Variants in CFAP20DC observed in about 807,000 individuals in gnomAD.
The protein encoded by CFAP20DC is protein CFAP20DC.
CFAP20DC carries 84 observed loss-of-function variants against 101.7 expected under a neutral mutation model. That is an observed-to-expected ratio of 0.83 (90% CI 0.69 to 0.99). The LOEUF is 0.99. CFAP20DC is among the 50% of genes least tolerant of loss of function. The pLI, the probability that CFAP20DC is intolerant of heterozygous loss-of-function variation, is 0.00. For synonymous variants in CFAP20DC, 359 were observed against 351.2 expected (o/e 1.02, Z -0.25); for missense variants, 1,007 against 970.3 (o/e 1.04, Z -0.50).
chr3:58,839,911 T>C (rs1265302815), intron 13 of CFAP20DC, among the ~76,000 whole-genome samples: 1 of 152,208 alleles, frequency 6.6e-6, no homozygotes, highest in African/African-American at 2.4e-5. Flanking sequence ...CATAATTCCA[T>C]TTTACTTATT....
At chr3:58,935,585 A>T (rs1185591238) in intron 5 of CFAP20DC, among the ~76,000 whole-genome samples, 1 of 152,152 alleles carries the variant, frequency 6.6e-6, no homozygotes, top group Non-Finnish European at 1.5e-5. Flanking sequence ...GATATAGATC[A>T]ATGGAATAGA....
At chr3:58,967,983 T>C (rs1192043525) in intron 4 of CFAP20DC, among the ~76,000 whole-genome samples, 3 of 152,238 alleles carry the variant, frequency 2.0e-5, no homozygotes, top group Non-Finnish European at 2.9e-5. Flanking sequence ...GTTCCTGTGA[T>C]AGTCTGCTAA....
Position 59,033,677 on chromosome 3 carries a change from G to C in CFAP20DC, c.278+5880C>G, listed in dbSNP as rs2094039864. On this transcript the variant is annotated intron_variant, in intron 4 of 16. Transcript: ENST00000482387. ...AAAAGAATGAAAATGAACGAAAAGAGCCTCCAAAAATATGAGACTATGTGA... is the reference window on the plus strand; with the variant it reads ...AAAAGAATGAAAATGAACGAAAAGACCCTCCAAAAATATGAGACTATGTGA... Among the ~76,000 whole-genome samples the C allele has an allele frequency of 2.0e-5, 3 of 152,256 alleles. No individual in the cohort carries two copies. The South Asian group carries it at 6.2e-4, about 32-fold the overall frequency.
chr3:58,932,766 G>A (rs2086897976), intron 5 of CFAP20DC, among the ~76,000 whole-genome samples: 1 of 152,200 alleles, frequency 6.6e-6, no homozygotes, highest in African/African-American at 2.4e-5. Flanking sequence ...AAGAGCTCCT[G>A]AAGGAAGCAC....
intron 15 of CFAP20DC, among the ~76,000 whole-genome samples, chr3:58,759,993 G>T (rs1378982378): frequency 6.6e-6 from 1 of 152,114 alleles, no homozygotes; most frequent in Non-Finnish European, 1.5e-5. Flanking sequence ...TGTTCTTTTG[G>T]CTTAGGATTG....
At chr3:58,870,377 T>A in intron 7 of CFAP20DC, 68 bp from the exon 8 acceptor site, 2 of 1,522,438 alleles carry the variant, frequency 1.3e-6, no homozygotes, top group East Asian at 4.5e-5. Flanking sequence ...CACTGCAATC[T>A]TTCTAAAAAT....
Position 58,863,833 on chromosome 3 carries a change from ACTGTCTGCTGGAT to A in CFAP20DC, c.1305_1317del (p.Ser436LeufsTer67). The A allele has an allele frequency of 1.2e-6, 2 of 1,614,142 alleles. No homozygotes were observed. The highest frequency in any genetic ancestry group is 1.7e-6 in the Non-Finnish European group (2 of 1,179,984). The stretch of plus-strand genomic sequence containing the variant: ...CAGGAGTCATCACCCAGAAGTAGAG[ACTGTCTGCTGGAT>A]GCCAGATATGAAATGTGATCAGCAT... On this transcript the variant is annotated frameshift_variant, in exon 12 of 17. Coordinates refer to ENST00000482387, the MANE Select transcript of CFAP20DC (RefSeq NM_001394063.1). LOFTEE classifies it high-confidence loss of function. This position sits in a 1 kb window ranked among gnomAD's most constrained non-coding sequence, Gnocchi z 5.9.
At chr3:59,003,713 G>A (rs1359813015) in intron 4 of CFAP20DC, among the ~76,000 whole-genome samples, 1 of 152,152 alleles carries the variant, frequency 6.6e-6, no homozygotes, top group African/African-American at 2.4e-5. Context: ...GCCTGATAAT[G>A]GTAAAAGTTG....
intron 4 of CFAP20DC, among the ~76,000 whole-genome samples, chr3:58,961,794 A>T (rs146989462): frequency 0.035 from 5,318 of 151,732 alleles, 137 homozygotes; most frequent in Admixed American, 0.066. Flanking sequence ...TGTCAACCAA[A>T]TTGTCTATGG....
At chr3:58,962,698 C>A (rs961197754) in intron 4 of CFAP20DC, among the ~76,000 whole-genome samples, 1 of 152,108 alleles carries the variant, frequency 6.6e-6, no homozygotes, top group African/African-American at 2.4e-5. Context: ...AAGCTCAGGC[C>A]GTGAACGAGC....
chr3:58,857,832 T>C (rs1208100896), intron 12 of CFAP20DC, among the ~76,000 whole-genome samples: 9 of 152,208 alleles, frequency 5.9e-5, no homozygotes, highest in Non-Finnish European at 1.3e-4. Context: ...GGCATAACCC[T>C]ATTCCTCTCT....
intron 13 of CFAP20DC, 118 bp from the exon 14 acceptor site, chr3:58,832,007 T>C (rs1049182356): frequency 3.8e-6 from 3 of 790,870 alleles, no homozygotes; most frequent in Non-Finnish European, 6.3e-6. Flanking sequence ...CCCAAATCCC[T>C]AACATGCCTC....
At chr3:58,976,918 C>G (rs1265421564) in intron 4 of CFAP20DC, among the ~76,000 whole-genome samples, 1 of 152,182 alleles carries the variant, frequency 6.6e-6, no homozygotes, top group African/African-American at 2.4e-5. Flanking sequence ...TCTGGCCACC[C>G]ACAACCCTGA....
intron 2 of CFAP20DC, among the ~76,000 whole-genome samples, chr3:59,046,808 A>G (rs1001624019): frequency 1.3e-5 from 2 of 152,106 alleles, no homozygotes; most frequent in Non-Finnish European, 2.9e-5. Flanking sequence ...GGTGACAGGG[A>G]GCAGGGTAAG....
At chr3:58,929,020 T>A (rs1342535745) in intron 5 of CFAP20DC, among the ~76,000 whole-genome samples, 2 of 152,162 alleles carry the variant, frequency 1.3e-5, no homozygotes, top group African/African-American at 2.4e-5. Flanking sequence ...ACAGTACCTA[T>A]TATAGCTCCT....
intron 5 of CFAP20DC, among the ~76,000 whole-genome samples, chr3:58,918,739 ACTGT>A (rs2085010275): frequency 6.6e-6 from 1 of 152,108 alleles, no homozygotes; most frequent in Non-Finnish European, 1.5e-5. Context: ...CTGGAGCCAA[ACTGT>A]CTGGATTTAG....
chr3:59,016,357 C>CA lies in CFAP20DC; in HGVS notation c.278+23199dup, dbSNP rs1441419681. On this transcript the variant is annotated intron_variant, in intron 4 of 16. Transcript: ENST00000482387. The stretch of plus-strand genomic sequence containing the variant: ...AACAAAAAATCTGAGCTCATGGAAA[C>CA]AGAGAGTAGAATTTTGGGTATGAGA... Among the ~76,000 whole-genome samples the CA allele has an allele frequency of 2.6e-5, 4 of 152,068 alleles. No individual in the cohort carries two copies. The East Asian group carries it at 7.8e-4, about 30-fold the overall frequency.
chr3:58,850,376 C>G (rs900603416), intron 12 of CFAP20DC, among the ~76,000 whole-genome samples: 2 of 151,940 alleles, frequency 1.3e-5, no homozygotes, highest in African/African-American at 4.8e-5. Flanking sequence ...CACCTGAGGT[C>G]GGGAGTTCGA....
chr3:58,891,225 C>T (rs991768889), intron 6 of CFAP20DC, among the ~76,000 whole-genome samples: 1 of 151,928 alleles, frequency 6.6e-6, no homozygotes, highest in Non-Finnish European at 1.5e-5. Context: ...GGGCTGGAGA[C>T]CGGCCCGGCC....
Sources: gnomAD v4.1 joint callset for allele counts (sites outside exome capture counted in the v4.1 genomes callset) on GRCh38, gnomAD v4.1.1 for gene constraint, Gnocchi (gnomAD v3.1) non-coding constraint, MANE v1.5 for transcripts, NCBI Gene and HGNC (gene_info 2026-07-23, HGNC 2026-07-21) for gene names.